Variants in SOHLH2 observed in about 807,000 individuals in gnomAD.
The protein encoded by SOHLH2 is spermatogenesis- and oogenesis-specific basic helix-loop-helix-containing protein 2.
SOHLH2 carries 22 observed loss-of-function variants against 50.4 expected under a neutral mutation model. The observed-to-expected ratio is 0.44, with a 90% CI of 0.31 to 0.62. The LOEUF (loss-of-function observed/expected upper bound fraction) is 0.62. Among genes scored for constraint, SOHLH2 ranks in the 20% least tolerant of loss-of-function variants. The pLI is 0.08. For synonymous variants in SOHLH2, 185 were observed against 187.3 expected, an observed-to-expected ratio of 0.99 and a Z score of 0.10; for missense variants, 412 against 504.4, an observed-to-expected ratio of 0.82 and a Z score of 1.76.
rs1229884029 is a variant in SOHLH2 at position 36,184,460 on chromosome 13, C to CTTTTTTTTTTTTTTTTTTTTT, written c.641+5485_641+5486insAAAAAAAAAAAAAAAAAAAAA. 6.4e-3 allele frequency among the ~76,000 whole-genome samples: 772 copies of CTTTTTTTTTTTTTTTTTTTTT among 120,972 alleles called. 75 individuals are homozygous for CTTTTTTTTTTTTTTTTTTTTT. Among genetic ancestry groups the CTTTTTTTTTTTTTTTTTTTTT allele is most frequent in the African/African-American group, 9.5e-3 (307 of 32,284 alleles). 79.4% of individuals were successfully genotyped at this position (120,972 alleles called of 152,430 possible). On this transcript the variant is annotated intron_variant, in intron 6 of 10. Coordinates refer to ENST00000379881, the MANE Select transcript of SOHLH2 (RefSeq NM_017826.3). ...GATGGAAGTTTCTACCTACAAAGAC[C>CTTTTTTTTTTTTTTTTTTTTT]TTTTTTTTTTTTTTTTTTTGAGACG...
At chr13:36,212,019 C>T (rs950376840) in intron 1 of SOHLH2, among the ~76,000 whole-genome samples, 2 of 152,166 alleles carry the variant, frequency 1.3e-5, no homozygotes. Context: ...CACTATCCTC[C>T]CCTTAGAGGC....
At chr13:36,208,827 G>A (rs1277024528) in intron 1 of SOHLH2, among the ~76,000 whole-genome samples, 1 of 152,126 alleles carries the variant, frequency 6.6e-6, no homozygotes, top group Non-Finnish European at 1.5e-5. Context: ...TTCAGTGCAA[G>A]TTTTACCCAG....
At chr13:36,169,118 T>C (rs1886895078) in intron 10 of SOHLH2, 64 bp from the exon 11 acceptor site, 1 of 1,557,082 alleles carries the variant, frequency 6.4e-7, no homozygotes, top group Middle Eastern at 1.7e-4. Flanking sequence ...CATAATGTCA[T>C]GATTGTATTT....
chr13:36,176,803 A>C (rs905470355), intron 6 of SOHLH2, among the ~76,000 whole-genome samples: 1 of 152,142 alleles, frequency 6.6e-6, no homozygotes, highest in African/African-American at 2.4e-5. Flanking sequence ...TCATCCCACT[A>C]TTCATACATT....
At chr13:36,214,365 T>A in intron 1 of SOHLH2, 114 bp downstream of exon 1, 1 of 1,298,866 alleles carries the variant, frequency 7.7e-7, no homozygotes, top group South Asian at 1.4e-5. Context: ...CTCCCCACAG[T>A]TCCCCGACAA....
intron 6 of SOHLH2, chr13:36,182,226 C>T: frequency 5.1e-6 from 5 of 985,322 alleles, no homozygotes; most frequent in Non-Finnish European, 6.0e-6. Flanking sequence ...AGAATTTTTG[C>T]AACTCAGACA....
intron 2 of SOHLH2, among the ~76,000 whole-genome samples, chr13:36,195,473 C>A (rs1400111733): frequency 1.3e-5 from 2 of 152,174 alleles, no homozygotes; most frequent in African/African-American, 4.8e-5. Context: ...CTGGGCTCTG[C>A]TCACAGAAGG....
chr13:36,209,047 C>A (rs1157479181), intron 1 of SOHLH2, among the ~76,000 whole-genome samples: 2 of 152,032 alleles, frequency 1.3e-5, no homozygotes, highest in African/African-American at 4.8e-5. Context: ...TCTCTTATTT[C>A]TTTATTTCCT....
intron 6 of SOHLH2, among the ~76,000 whole-genome samples, chr13:36,177,881 A>C (rs1214497787): frequency 1.3e-5 from 2 of 151,894 alleles, no homozygotes; most frequent in African/African-American, 4.8e-5. Flanking sequence ...TATTTTCTTA[A>C]AACTTTTTGA....
chr13:36,170,497 G>T (rs763992791), intron 10 of SOHLH2, 34 bp downstream of exon 10: 9 of 1,603,958 alleles, frequency 5.6e-6, no homozygotes, highest in Non-Finnish European at 7.7e-6. Flanking sequence ...GAGTGAAAGG[G>T]TCCAATCTGA....
chr13:36,210,727 A>T (rs1374077429), intron 1 of SOHLH2, among the ~76,000 whole-genome samples: 1 of 152,160 alleles, frequency 6.6e-6, no homozygotes, highest in Admixed American at 6.5e-5. Flanking sequence ...ACTCCTTAGC[A>T]TGGTGTTTCA....
At chr13:36,203,870 G>T (rs1593958983) in intron 1 of SOHLH2, among the ~76,000 whole-genome samples, 1 of 150,340 alleles carries the variant, frequency 6.7e-6, no homozygotes, top group African/African-American at 2.5e-5. Context: ...TTTTCTTATT[G>T]CTTTGTGGGA....
At chr13:36,194,617 T>G (rs770052720) in intron 2 of SOHLH2, among the ~76,000 whole-genome samples, 15 of 152,230 alleles carry the variant, frequency 9.9e-5, no homozygotes, top group Non-Finnish European at 2.1e-4. Context: ...CAAATAAAAC[T>G]TTTTTCTTAA....
chr13:36,207,443 A>T (rs545439053), intron 1 of SOHLH2, among the ~76,000 whole-genome samples: 97 of 152,240 alleles, frequency 6.4e-4, no homozygotes, highest in Non-Finnish European at 9.4e-4. Flanking sequence ...ATTTGGAATT[A>T]ATTTGACTTA....
intron 2 of SOHLH2, among the ~76,000 whole-genome samples, chr13:36,197,606 G>A (rs746980661): frequency 1.1e-4 from 16 of 152,098 alleles, no homozygotes; most frequent in South Asian, 6.2e-4. Flanking sequence ...ATCATCTTTG[G>A]GTTGTGGTTT....
chr13:36,212,959 G>A (rs1202418869), intron 1 of SOHLH2, among the ~76,000 whole-genome samples: 2 of 152,236 alleles, frequency 1.3e-5, no homozygotes, highest in Non-Finnish European at 2.9e-5. Flanking sequence ...AGGTGCTGAA[G>A]TGCTTAAAGC....
intron 5 of SOHLH2, among the ~76,000 whole-genome samples, chr13:36,190,620 T>C (rs528709746): frequency 2.0e-5 from 3 of 152,184 alleles, no homozygotes; most frequent in Non-Finnish European, 4.4e-5. Flanking sequence ...CTAAGAGATA[T>C]AACTTGATTT....
rs1229652247 is a variant in SOHLH2 at position 36,170,771 on chromosome 13, G to A, written c.1017C>T (p.Ala339=). ...DEAVRVPSSS[A]SENAIGDPYK... ...ATGGATCACCAATAGCATTCTCTGAGGCGGAGCTTGATGGAACTTTAATGA... is the reference window on the plus strand; with the variant it reads ...ATGGATCACCAATAGCATTCTCTGAAGCGGAGCTTGATGGAACTTTAATGA... Residue 339 remains alanine, a synonymous_variant, in exon 10 of 11, where the codon GCC becomes GCT. Coordinates refer to ENST00000379881, the MANE Select transcript of SOHLH2 (RefSeq NM_017826.3). 2 of 1,613,212 alleles carry A rather than the reference G, an allele frequency of 1.2e-6. No individual in the cohort carries two copies. The highest frequency in any genetic ancestry group is 1.7e-6 in the Non-Finnish European group (2 of 1,179,360).
At chr13:36,205,092 C>T (rs1236778166) in intron 1 of SOHLH2, among the ~76,000 whole-genome samples, 6 of 152,130 alleles carry the variant, frequency 3.9e-5, no homozygotes, top group Admixed American at 1.3e-4. Context: ...CATATAGAAG[C>T]GCTATTGATT....
Sources: gnomAD v4.1 joint callset for allele counts (sites outside exome capture counted in the v4.1 genomes callset) on GRCh38, gnomAD v4.1.1 for gene constraint, MANE v1.5 for transcripts, NCBI Gene and HGNC (gene_info 2026-07-23, HGNC 2026-07-21) for gene names.